Variants in OR9I1 observed in about 807,000 individuals in gnomAD.
OR9I1 encodes olfactory receptor 9I1.
A neutral mutation model predicts 11.2 loss-of-function variants in OR9I1; 7 were observed. The ratio of observed to expected loss-of-function variants is 0.62; its 90% confidence interval spans 0.36 to 1.17. OR9I1 has a LOEUF of 1.17. Among genes scored for constraint, OR9I1 ranks in the 50% most tolerant of loss-of-function variants. The pLI is 0.02. For synonymous variants in OR9I1, 165 were observed against 153.4 expected (o/e 1.08, Z -0.56); for missense variants, 428 against 377.2 (o/e 1.13, Z -1.12).
chr11:58,117,774 A>C lies in OR9I1; in HGVS notation c.*726T>G, dbSNP rs1272008960. On this transcript the variant is annotated 3_prime_UTR_variant, in exon 3 of 3. Coordinates refer to ENST00000641439, the MANE Select transcript of OR9I1 (RefSeq NM_001005211.2). ...TGGCCTTCAGAAATGAGAGAGCTTG[A>C]GGAGACATTCCCAAAGGTAGGATGG... 2.0e-5 allele frequency: 3 copies of C among 152,180 alleles called. No individual in the cohort carries two copies. The allele number at this position is 152,180 out of a possible 1,614,324, so 9.4% of individuals were successfully genotyped here.
At chr11:58,121,323 G>A (rs1854030381) in intron 2 of OR9I1, among the ~76,000 whole-genome samples, 1 of 152,168 alleles carries the variant, frequency 6.6e-6, no homozygotes, top group African/African-American at 2.4e-5. Context: ...AGTCCATCCA[G>A]GATACTCATT....
Position 58,118,807 on chromosome 11 carries a change from A to G in OR9I1, c.638T>C (p.Val213Ala). ...GATGAGCAGATAGGAAATCAGGATG[A>G]CGGAGGCATTGGCCAAAATCACAAA... ...GNFVILANASVILISYLLIIK... is the reference protein window; with the variant it reads ...GNFVILANASAILISYLLIIK... The change falls in exon 3 of 3, where the codon GTC (valine) becomes GCC (alanine). Residue 213 changes from valine to alanine, a missense_variant. Physicochemically the swap from Val to Ala is moderately conservative, Grantham distance 64 (BLOSUM62 0). Coordinates refer to ENST00000641439, the MANE Select transcript of OR9I1 (RefSeq NM_001005211.2). The G allele has an allele frequency of 6.2e-7, 1 of 1,614,082 alleles. No individual in the cohort carries two copies. The highest frequency in any genetic ancestry group is 1.3e-5 in the African/African-American group (1 of 75,070).
At chr11:58,124,794 G>A (rs962193044) in intron 1 of OR9I1, among the ~76,000 whole-genome samples, 155 bp from the exon 2 acceptor site, 1 of 152,146 alleles carries the variant, frequency 6.6e-6, no homozygotes, top group Admixed American at 6.5e-5. Context: ...TTGGAGTGTT[G>A]AATCAACACG....
intron 2 of OR9I1, among the ~76,000 whole-genome samples, chr11:58,120,297 G>A (rs1041079414): frequency 6.6e-6 from 1 of 152,030 alleles, no homozygotes; most frequent in Admixed American, 6.6e-5. Flanking sequence ...AATCAAAGTT[G>A]GGTAGAGTTT....
intron 2 of OR9I1, 63 bp from the exon 3 acceptor site, chr11:58,119,529 G>T: frequency 3.1e-6 from 3 of 956,282 alleles, no homozygotes; most frequent in Non-Finnish European, 4.7e-6. Context: ...TCCCTCTATG[G>T]TGGAAGTTTT....
At position 58,119,145 on chromosome 11, in the gene OR9I1, C is replaced by A; in HGVS notation, c.300G>T (p.Gln100His). The A allele has an allele frequency of 1.9e-6, 3 of 1,614,006 alleles. No individual in the cohort carries two copies. The highest frequency in any genetic ancestry group is 3.3e-4 in the Middle Eastern group (2 of 6,054). The change falls in exon 3 of 3, where the codon CAG becomes CAT. Residue 100 changes from glutamine to histidine, a missense_variant. Gln to His is a conservative substitution (Grantham distance 24, BLOSUM62 0). Transcript: ENST00000641439. ...CTGCACAGATGGTGAATAAAAAGAA[C>A]TGGGCAGCACAGTGGCCGTAGGAGA... ...TVISYGHCAAQFFLFTICAGT... is the reference protein window; with the variant it reads ...TVISYGHCAAHFFLFTICAGT...
At chr11:58,121,903 T>C (rs1854036452) in intron 2 of OR9I1, among the ~76,000 whole-genome samples, 1 of 152,192 alleles carries the variant, frequency 6.6e-6, no homozygotes, top group South Asian at 2.1e-4. Context: ...TGATTGATAT[T>C]GTCATTATTT....
rs1853968787 is a variant in OR9I1, at chr11:58,117,530, G to A, written c.*970C>T. Reference sequence around the variant, plus strand: ...AAAAGGCTTTGGACTCAATAGTGAAGAAAACATTCTGTTCTCAAGGGTTTT... The same window carrying A: ...AAAAGGCTTTGGACTCAATAGTGAAAAAAACATTCTGTTCTCAAGGGTTTT... On this transcript the variant is annotated 3_prime_UTR_variant, in exon 3 of 3. Transcript: ENST00000641439. 1 of 152,180 alleles carries A rather than the reference G, an allele frequency of 6.6e-6. No individual in the cohort carries two copies. Among genetic ancestry groups the A allele is most frequent in the Non-Finnish European group, 1.5e-5 (1 of 68,016 alleles). 9.4% of individuals were successfully genotyped at this position (152,180 alleles called of 1,614,324 possible).
At chr11:58,123,109 A>G (rs1032570753) in intron 2 of OR9I1, among the ~76,000 whole-genome samples, 7 of 152,124 alleles carry the variant, frequency 4.6e-5, no homozygotes, top group African/African-American at 7.2e-5. Flanking sequence ...CCTTATTTTT[A>G]CCAATGAGGA....
chr11:58,118,639 T>C lies in OR9I1; in HGVS notation c.806A>G (p.Glu269Gly), dbSNP rs780629386. 9.3e-6 allele frequency: 15 copies of C among 1,613,790 alleles called. No individual in the cohort carries two copies. In the Admixed American group the frequency reaches 2.2e-4, roughly 23 times the overall value. Residue 269 changes from glutamate to glycine, a missense_variant, in exon 3 of 3, where the codon GAG becomes GGG. Coordinates refer to ENST00000641439, the MANE Select transcript of OR9I1 (RefSeq NM_001005211.2). ...GAAGACAGACACGACTTTGTCTTCCTCCAGAGATTTGCCTGAGCCACTTTG... is the reference window on the plus strand; with the variant it reads ...GAAGACAGACACGACTTTGTCTTCCCCCAGAGATTTGCCTGAGCCACTTTG... The part of the protein sequence containing the change: ...YLQSGSGKSL[E>G]EDKVVSVFYT...
In OR9I1 at chr11:58,119,198, C is replaced by G; in HGVS notation, c.247G>C (p.Ala83Pro). ...ACCGTTTTGCCTGTGGCCAATGTGG[C>G]TAGGATCTGAGGGGTGATGACTGAG... ...YTSVITPQILATLATGKTVIS... is the reference protein window; with the variant it reads ...YTSVITPQILPTLATGKTVIS... Residue 83 changes from alanine to proline, a missense_variant, in exon 3 of 3, where the codon GCC (alanine) becomes CCC (proline). By Grantham distance (27) the Ala-to-Pro change is conservative. Transcript: ENST00000641439. 2.5e-6 allele frequency: 4 copies of G among 1,613,934 alleles called. No individual in the cohort carries two copies. Among genetic ancestry groups the G allele is most frequent in the Non-Finnish European group, 3.4e-6 (4 of 1,179,962 alleles).
rs1303486010 is a variant in OR9I1 at position 58,124,559 on chromosome 11, ATAT to A, written c.-147_-145del. Reference sequence around the variant, plus strand: ...ACCTTACTGAAATCAGTGTCTTGAAATATTGTTGTTAACATTTGCTGAGCTCTT... The same window carrying A: ...ACCTTACTGAAATCAGTGTCTTGAAATGTTGTTAACATTTGCTGAGCTCTT... On this transcript the variant is annotated 5_prime_UTR_variant, in exon 2 of 3. Transcript: ENST00000641439. The A allele has an allele frequency of 2.0e-5, 3 of 152,198 alleles. No individual in the cohort carries two copies. Among genetic ancestry groups the A allele is most frequent in the Non-Finnish European group, 2.9e-5 (2 of 68,030 alleles). The allele number at this position is 152,198 out of a possible 1,614,324, so 9.4% of individuals were successfully genotyped here.
rs1028109833 is a variant in OR9I1, at chr11:58,124,474, T to A, written c.-59A>T. The A allele has an allele frequency of 3.3e-5, 5 of 152,178 alleles. No homozygotes were observed. The highest frequency in any genetic ancestry group is 1.2e-4 in the African/African-American group (5 of 41,452). The allele number at this position is 152,178 out of a possible 1,614,324, so 9.4% of individuals were successfully genotyped here. Reference sequence around the variant, plus strand: ...ATGTTCTCCATACTCTTCTTCATTTTCCTCCAAAGATTGAGTCCCTTGGGG... The same window carrying A: ...ATGTTCTCCATACTCTTCTTCATTTACCTCCAAAGATTGAGTCCCTTGGGG... On this transcript the variant is annotated 5_prime_UTR_variant, in exon 2 of 3. Coordinates refer to ENST00000641439, the MANE Select transcript of OR9I1 (RefSeq NM_001005211.2).
rs764130716 is a variant in OR9I1 at position 58,118,598 on chromosome 11, G to T, written c.847C>A (p.Pro283Thr). The T allele has an allele frequency of 6.2e-7, 1 of 1,613,892 alleles. No individual in the cohort carries two copies. The highest frequency in any genetic ancestry group is 8.5e-7 in the Non-Finnish European group (1 of 1,179,958). ...VVSVFYTVVI[P>T]MLNPLIYSLR... ...CTGTAGATCAGAGGGTTCAGCATGG[G>T]GATGACCACTGTATAGAAGACAGAC... The change falls in exon 3 of 3, where the codon CCC (proline) becomes ACC (threonine). Residue 283 changes from proline (P) to threonine (T), a missense_variant. Pro to Thr is a conservative substitution (Grantham distance 38, BLOSUM62 -1). Transcript: ENST00000641439.
chr11:58,125,503 T>A lies in OR9I1; in HGVS notation c.-454A>T. 6.6e-6 allele frequency: 1 copy of A among 152,224 alleles called. No individual in the cohort carries two copies. The highest frequency in any genetic ancestry group is 1.9e-4 in the East Asian group (1 of 5,200). The allele number at this position is 152,224 out of a possible 1,614,324, so 9.4% of individuals were successfully genotyped here. ...AAGCTAAGGTTGTTTAAGCATTTTG[T>A]AGAAAGCAGCTAAGATTGCTCAAAT... is the stretch of plus-strand genomic sequence containing the variant. On this transcript the variant is annotated 5_prime_UTR_variant, in exon 1 of 3. Coordinates refer to ENST00000641439, the MANE Select transcript of OR9I1 (RefSeq NM_001005211.2).
chr11:58,123,877 T>G (rs2120146831), intron 2 of OR9I1, among the ~76,000 whole-genome samples: 1 of 152,264 alleles, frequency 6.6e-6, no homozygotes, highest in Middle Eastern at 3.4e-3. Flanking sequence ...TGGTCCATGT[T>G]TTTTCTTCTT....
intron 2 of OR9I1, among the ~76,000 whole-genome samples, chr11:58,120,135 T>C (rs976258721): frequency 6.6e-6 from 1 of 152,164 alleles, no homozygotes; most frequent in Non-Finnish European, 1.5e-5. Context: ...CCACCCCAGC[T>C]CAGGGGCCAT....
chr11:58,118,426 T>G lies in OR9I1; in HGVS notation c.*74A>C, dbSNP rs146791149. ...TCTGTTTGTGGGTATAGGTTGCATA[T>G]AGTAATGGTGCCTATTAGGATATAT... On this transcript the variant is annotated 3_prime_UTR_variant, in exon 3 of 3. Coordinates refer to ENST00000641439, the MANE Select transcript of OR9I1 (RefSeq NM_001005211.2). The G allele has an allele frequency of 1.1e-3, 1,038 of 964,458 alleles. 30 individuals are homozygous for G. In the East Asian group the frequency reaches 0.017, roughly 15 times the overall value. The allele number at this position is 964,458 out of a possible 1,614,324, so 59.7% of individuals were successfully genotyped here. A position where few individuals can be genotyped will look rare whatever the true frequency, so the allele number is the denominator to read the frequency against.
Position 58,119,096 on chromosome 11 carries a change from C to T in OR9I1, c.349G>A (p.Val117Met), listed in dbSNP as rs1853995601. The change falls in exon 3 of 3, where the codon GTG (valine) becomes ATG (methionine). Residue 117 changes from valine (V) to methionine (M), a missense_variant. Physicochemically the swap from Val to Met is conservative, Grantham distance 21 (BLOSUM62 1). Transcript: ENST00000641439. ...CAGTECFLLA[V>M]MAYDRYAAIR... ...GCAGCATAGCGATCATAGGCCATCA[C>T]TGCCAGCAGAAAGCACTCTGTGCCT... 1.2e-6 allele frequency: 2 copies of T among 1,613,882 alleles called. No homozygotes were observed. Among genetic ancestry groups the T allele is most frequent in the Admixed American group, 1.7e-5 (1 of 59,998 alleles).
Sources: allele counts gnomAD v4.1 joint callset (sites outside exome capture counted in the v4.1 genomes callset), GRCh38; gene constraint gnomAD v4.1.1; transcripts MANE v1.5; gene names NCBI Gene and HGNC (gene_info 2026-07-23, HGNC 2026-07-21).